SLC24A3: variants seen among roughly 807,000 people sequenced by gnomAD.
SLC24A3 encodes the protein solute carrier family 24 member 3.
A neutral mutation model predicts 75.8 loss-of-function variants in SLC24A3; 28 were observed. The observed-to-expected ratio is 0.37, with a 90% CI of 0.27 to 0.51. SLC24A3 has a LOEUF of 0.51. SLC24A3 is among the 20% of genes least tolerant of loss of function. SLC24A3 has a pLI of 0.94. For synonymous variants in SLC24A3, 372 were observed against 334.1 expected, an observed-to-expected ratio of 1.11 and a Z score of -1.24; for missense variants, 663 against 847.8, an observed-to-expected ratio of 0.78 and a Z score of 2.71.
chr20:19,299,483 A>C (rs1353540186), intron 2 of SLC24A3, among the ~76,000 whole-genome samples: 1 of 152,170 alleles, frequency 6.6e-6, no homozygotes, highest in Non-Finnish European at 1.5e-5. Flanking sequence ...AAACAGGTCA[A>C]ATTTTTTTAA....
At chr20:19,716,471 G>A (rs1444652163) in intron 15 of SLC24A3, among the ~76,000 whole-genome samples, 1 of 151,292 alleles carries the variant, frequency 6.6e-6, no homozygotes, top group East Asian at 1.9e-4. Flanking sequence ...ACAGCCACCT[G>A]TACCTAATGG....
chr20:19,304,638 G>C (rs1984276973), intron 2 of SLC24A3, among the ~76,000 whole-genome samples: 1 of 152,102 alleles, frequency 6.6e-6, no homozygotes, highest in Non-Finnish European at 1.5e-5. Flanking sequence ...TGTTAGCTGT[G>C]GTTAGGTTAA....
chr20:19,530,529 C>G (rs3790243), intron 3 of SLC24A3, among the ~76,000 whole-genome samples: 22,627 of 152,136 alleles, frequency 0.15, 1,827 homozygotes, highest in Middle Eastern at 0.2. Flanking sequence ...CTACGACCTT[C>G]AATATGTCAC....
chr20:19,606,091 C>T (rs781428316), intron 6 of SLC24A3, among the ~76,000 whole-genome samples: 13 of 152,338 alleles, frequency 8.5e-5, no homozygotes, highest in Admixed American at 3.3e-4. Flanking sequence ...TGCCAGTTTC[C>T]CAGCCTTCCT....
chr20:19,339,608 TAG>T (rs764087418), intron 2 of SLC24A3, among the ~76,000 whole-genome samples: 2 of 152,188 alleles, frequency 1.3e-5, no homozygotes, highest in Non-Finnish European at 2.9e-5. Flanking sequence ...CATGGTGTTT[TAG>T]AGAGATACCA....
At chr20:19,342,237 T>C (rs1248232100) in intron 2 of SLC24A3, among the ~76,000 whole-genome samples, 1 of 152,236 alleles carries the variant, frequency 6.6e-6, no homozygotes, top group African/African-American at 2.4e-5. Context: ...CTCCTGGAGC[T>C]TAAAGCCAAG....
intron 2 of SLC24A3, among the ~76,000 whole-genome samples, chr20:19,338,804 C>T (rs1282307706): frequency 3.3e-5 from 5 of 152,132 alleles, no homozygotes; most frequent in African/African-American, 4.8e-5. Context: ...TGAGAAGCAC[C>T]TTACCTGTGT....
At chr20:19,386,699 A>C (rs973746591) in intron 2 of SLC24A3, among the ~76,000 whole-genome samples, 2 of 152,120 alleles carry the variant, frequency 1.3e-5, no homozygotes, top group African/African-American at 4.8e-5. Context: ...CATTCTATTA[A>C]CGTGATTTGT....
intron 3 of SLC24A3, among the ~76,000 whole-genome samples, chr20:19,547,559 AAAATG>A (rs1422515226): frequency 1.3e-5 from 2 of 152,254 alleles, no homozygotes; most frequent in Non-Finnish European, 2.9e-5. Flanking sequence ...AGCTGTTCAG[AAAATG>A]AAATGAAATG....
At chr20:19,347,454 G>A (rs1481492363) in intron 2 of SLC24A3, among the ~76,000 whole-genome samples, 1 of 152,114 alleles carries the variant, frequency 6.6e-6, no homozygotes, top group East Asian at 1.9e-4. Flanking sequence ...TTAGTAATAG[G>A]GGAAACTGGT....
At chr20:19,238,966 G>GCA (rs60649887) in intron 1 of SLC24A3, among the ~76,000 whole-genome samples, 79,193 of 148,720 alleles carry the variant, frequency 0.53, 21,134 homozygotes, top group African/African-American at 0.62. Context: ...ATGGGCGCAT[G>GCA]CACACACACA....
At chr20:19,445,524 G>C (rs1356960462) in intron 2 of SLC24A3, among the ~76,000 whole-genome samples, 1 of 152,204 alleles carries the variant, frequency 6.6e-6, no homozygotes, top group Non-Finnish European at 1.5e-5. Flanking sequence ...ACGAGGAAGG[G>C]AAGAACTCTG....
intron 2 of SLC24A3, among the ~76,000 whole-genome samples, chr20:19,378,880 A>G (rs897727873): frequency 2.7e-5 from 4 of 149,562 alleles, no homozygotes; most frequent in Admixed American, 6.8e-5. Flanking sequence ...CTTGAGAAGT[A>G]GATCTCTACT....
chr20:19,708,952 T>A (rs967654607), intron 15 of SLC24A3, among the ~76,000 whole-genome samples: 1 of 152,130 alleles, frequency 6.6e-6, no homozygotes, highest in Non-Finnish European at 1.5e-5. Flanking sequence ...ACAGTTTAGG[T>A]CCCTCAGAAA....
chr20:19,482,263 C>T (rs564240331), intron 2 of SLC24A3, among the ~76,000 whole-genome samples: 2 of 152,300 alleles, frequency 1.3e-5, no homozygotes, highest in East Asian at 1.9e-4. Flanking sequence ...CTCACCTCAC[C>T]GTCATTCCTT....
intron 2 of SLC24A3, among the ~76,000 whole-genome samples, chr20:19,298,439 A>T (rs1984112143): frequency 6.6e-6 from 1 of 152,138 alleles, no homozygotes; most frequent in Non-Finnish European, 1.5e-5. Flanking sequence ...ACCCTTGGTG[A>T]TCATTAATAT....
rs570524429 is a variant in SLC24A3 at position 19,338,815 on chromosome 20, G to A, written c.271+57728G>A. 1.1e-4 allele frequency among the ~76,000 whole-genome samples: 17 copies of A among 152,260 alleles called. No individual in the cohort carries two copies. In the South Asian group the frequency reaches 3.1e-3, roughly 28 times the overall value. ...GGCTTGAGAAGCACCTTACCTGTGT[G>A]TGTGGAATAAGCCCTCACTCAATGA... On this transcript the variant is annotated intron_variant, in intron 2 of 16. Transcript: ENST00000328041.
At chr20:19,575,982 G>A (rs1034649927) in intron 3 of SLC24A3, among the ~76,000 whole-genome samples, 4 of 152,270 alleles carry the variant, frequency 2.6e-5, no homozygotes, top group African/African-American at 2.4e-5. Context: ...GGGCTCTGTG[G>A]GAAGGCTTGG....
At chr20:19,476,300 A>G (rs1987961282) in intron 2 of SLC24A3, among the ~76,000 whole-genome samples, 1 of 152,236 alleles carries the variant, frequency 6.6e-6, no homozygotes, top group East Asian at 1.9e-4. Flanking sequence ...GATGAAAAAC[A>G]GAAGTAAGGC....
Sources: allele counts gnomAD v4.1 joint callset (sites outside exome capture counted in the v4.1 genomes callset), GRCh38; gene constraint gnomAD v4.1.1; transcripts MANE v1.5; gene names NCBI Gene and HGNC (gene_info 2026-07-23, HGNC 2026-07-21).